The following PIK3CA variants were observed in gnomAD, a reference collection of about 807,000 sequenced individuals.
The protein encoded by PIK3CA is phosphatidylinositol-4,5-bisphosphate 3-kinase catalytic subunit alpha.
PIK3CA carries 27 observed loss-of-function variants against 138.2 expected under a neutral mutation model. The ratio of observed to expected loss-of-function variants is 0.20; its 90% CI spans 0.14 to 0.27. The LOEUF is 0.27. Among genes scored for constraint, PIK3CA ranks in the 10% least tolerant of loss-of-function variants. The pLI is 1.00. For synonymous variants in PIK3CA, 358 were observed against 413.2 expected, an observed-to-expected ratio of 0.87 and a Z score of 1.62; for missense variants, 544 against 1,277.4, an observed-to-expected ratio of 0.43 and a Z score of 8.75.
intron 1 of PIK3CA, among the ~76,000 whole-genome samples, chr3:179,160,135 A>C (rs1188742674): frequency 6.6e-6 from 1 of 152,196 alleles, no homozygotes; most frequent in Non-Finnish European, 1.5e-5. Context: ...GATTTTTTAA[A>C]AAGTAAAGTA....
chr3:179,157,950 A>G (rs1453157918), intron 1 of PIK3CA, among the ~76,000 whole-genome samples: 1 of 152,172 alleles, frequency 6.6e-6, no homozygotes, highest in Non-Finnish European at 1.5e-5. Context: ...GATTAAATAA[A>G]TAATACTTGA....
rs1214047935 is a variant in PIK3CA, at chr3:179,220,328, G to T, written c.2015+276G>T. Among the ~76,000 whole-genome samples, 1 of 152,044 alleles carries T rather than the reference G, an allele frequency of 6.6e-6. No homozygotes were observed. The highest frequency in any genetic ancestry group is 2.4e-5 in the African/African-American group (1 of 41,414). On this transcript the variant is annotated intron_variant, in intron 13 of 20. Transcript: ENST00000263967. This position sits in a 1 kb window ranked among gnomAD's most constrained non-coding sequence, Gnocchi z 4.1. ...TAAGTCAAATTTTCTAGGTCCAGATGAATATTGCTGTAGGTTTCACTGTGT... is the reference window on the plus strand; with the variant it reads ...TAAGTCAAATTTTCTAGGTCCAGATTAATATTGCTGTAGGTTTCACTGTGT...
intron 1 of PIK3CA, among the ~76,000 whole-genome samples, chr3:179,165,063 CCTT>C (rs1489821378): frequency 6.6e-6 from 1 of 152,164 alleles, no homozygotes; most frequent in African/African-American, 2.4e-5. Context: ...CCCTACCTGT[CCTT>C]CTACCTTTCT....
chr3:179,164,855 G>A (rs1457764031), intron 1 of PIK3CA, among the ~76,000 whole-genome samples: 1 of 151,620 alleles, frequency 6.6e-6, no homozygotes, highest in African/African-American at 2.4e-5. Context: ...GGCAACAAGA[G>A]TGAAACTCTG....
chr3:179,163,041 C>T (rs1405793278), intron 1 of PIK3CA, among the ~76,000 whole-genome samples: 2 of 151,958 alleles, frequency 1.3e-5, no homozygotes, highest in African/African-American at 2.4e-5. Flanking sequence ...TACTGGCATA[C>T]ACATTGATAG....
In PIK3CA at chr3:179,230,615, CGTG is replaced by C. The variant is rs1411566855; in HGVS notation, c.2936+244_2936+246del. On this transcript the variant is annotated intron_variant, in intron 20 of 20. Transcript: ENST00000263967. This position sits in a 1 kb window ranked among gnomAD's most constrained non-coding sequence, Gnocchi z 5.4. ...CAAAAAAATTTAAAAAGTAGCCAGG[CGTG>C]GTGGCATGCACTGTAGTCCCAGCTA... is the stretch of plus-strand genomic sequence containing the variant. Among the ~76,000 whole-genome samples the C allele has an allele frequency of 1.3e-5, 2 of 151,808 alleles. No individual in the cohort carries two copies. Among genetic ancestry groups the C allele is most frequent in the Non-Finnish European group, 2.9e-5 (2 of 67,958 alleles).
In PIK3CA at chr3:179,154,647, G is replaced by A. The variant is rs569040272; in HGVS notation, c.-77+6044G>A. 1.2e-4 allele frequency among the ~76,000 whole-genome samples: 19 copies of A among 152,298 alleles called. No individual in the cohort carries two copies. The South Asian group carries it at 3.5e-3, about 28-fold the overall frequency. On this transcript the variant is annotated intron_variant, in intron 1 of 20. Coordinates refer to ENST00000263967, the MANE Select transcript of PIK3CA (RefSeq NM_006218.4). ...TGTCTTTTTCTATATTGATACAATA[G>A]GAATTGTAATGTGTTGCTTGCTAAG...
At chr3:179,154,949 T>C (rs1329615010) in intron 1 of PIK3CA, among the ~76,000 whole-genome samples, 1 of 152,286 alleles carries the variant, frequency 6.6e-6, no homozygotes, top group Non-Finnish European at 1.5e-5. Context: ...TGAAATAAAT[T>C]AGGGATTTTT....
At chr3:179,149,491 G>A (rs1722953559) in intron 1 of PIK3CA, 1 of 152,194 alleles carries the variant, frequency 6.6e-6, no homozygotes, top group African/African-American at 2.4e-5. Flanking sequence ...CAATAATTGA[G>A]ACTGTTTACA....
chr3:179,231,724 C>A (rs1725217810), intron 20 of PIK3CA, among the ~76,000 whole-genome samples: 1 of 141,896 alleles, frequency 7.0e-6, no homozygotes, highest in African/African-American at 2.6e-5. Flanking sequence ...TCACCGCAAC[C>A]TCCACCTCCT....
At chr3:179,150,931 G>T (rs1723000215) in intron 1 of PIK3CA, among the ~76,000 whole-genome samples, 1 of 152,110 alleles carries the variant, frequency 6.6e-6, no homozygotes. Flanking sequence ...TTGAAGAGAG[G>T]TAACTTAATC....
rs1361344054 is a variant in PIK3CA at position 179,239,184 on chromosome 3, G to A, written c.*4820G>A. ...TATACTCCATTCCTCATGTAGGTAA[G>A]TACAGAAAAGGTTTTTAAATGTATT... is the stretch of plus-strand genomic sequence containing the variant. On this transcript the variant is annotated 3_prime_UTR_variant, in exon 21 of 21. Transcript: ENST00000263967. 4.8e-6 allele frequency: 1 copy of A among 207,692 alleles called. No individual in the cohort carries two copies. Among genetic ancestry groups the A allele is most frequent in the Non-Finnish European group, 9.8e-6 (1 of 101,880 alleles). The allele number at this position is 207,692 out of a possible 1,614,324, so 12.9% of individuals were successfully genotyped here. A position where few individuals can be genotyped will look rare whatever the true frequency, so the allele number is the denominator to read the frequency against.
intron 1 of PIK3CA, among the ~76,000 whole-genome samples, chr3:179,167,193 G>T (rs1723442444): frequency 6.6e-6 from 1 of 152,056 alleles, no homozygotes; most frequent in Admixed American, 6.6e-5. Flanking sequence ...ACATACCTTA[G>T]TAAATAATAG....
intron 20 of PIK3CA, chr3:179,233,166 A>T (rs1725251359): frequency 2.5e-6 from 1 of 395,116 alleles, no homozygotes; most frequent in Non-Finnish European, 4.5e-6. Flanking sequence ...GCTGAAATCT[A>T]GGAATTTTTT....
At chr3:179,186,383 G>A (rs972201474) in intron 1 of PIK3CA, among the ~76,000 whole-genome samples, 1 of 152,220 alleles carries the variant, frequency 6.6e-6, no homozygotes, top group Non-Finnish European at 1.5e-5. Context: ...GTCCAGAATG[G>A]TGTTAGCTTC....
At chr3:179,189,546 T>C (rs1724075057) in intron 1 of PIK3CA, among the ~76,000 whole-genome samples, 1 of 152,144 alleles carries the variant, frequency 6.6e-6, no homozygotes, top group African/African-American at 2.4e-5. Flanking sequence ...GAAGTCCACA[T>C]TGCTATAAAT....
chr3:179,182,223 A>C (rs1183693739), intron 1 of PIK3CA, among the ~76,000 whole-genome samples: 1 of 152,212 alleles, frequency 6.6e-6, no homozygotes, highest in Admixed American at 6.5e-5. Context: ...GCTTTTAATG[A>C]CTTATGTTAA....
In PIK3CA at chr3:179,236,921, A is replaced by G. The variant is rs1183708432; in HGVS notation, c.*2557A>G. The G allele has an allele frequency of 4.4e-5, 9 of 205,532 alleles. No homozygotes were observed. The highest frequency in any genetic ancestry group is 8.0e-5 in the Non-Finnish European group (8 of 100,530). 12.7% of individuals were successfully genotyped at this position (205,532 alleles called of 1,614,324 possible). A position where few individuals can be genotyped will look rare whatever the true frequency, so the allele number is the denominator to read the frequency against. On this transcript the variant is annotated 3_prime_UTR_variant, in exon 21 of 21. Coordinates refer to ENST00000263967, the MANE Select transcript of PIK3CA (RefSeq NM_006218.4). ...TATCAGAGATCAGTTCTCGTGGTTT[A>G]GACAGTTCCTATCTATAGCTGACTA...
intron 1 of PIK3CA, among the ~76,000 whole-genome samples, chr3:179,164,431 G>A (rs147915906): frequency 6.6e-6 from 1 of 152,240 alleles, no homozygotes; most frequent in East Asian, 1.9e-4. Context: ...TTAAGAAAAG[G>A]AAAAATGTGG....
Sources: gnomAD v4.1 joint callset for allele counts (sites outside exome capture counted in the v4.1 genomes callset) on GRCh38, gnomAD v4.1.1 for gene constraint, Gnocchi (gnomAD v3.1) non-coding constraint, MANE v1.5 for transcripts, NCBI Gene and HGNC (gene_info 2026-07-23, HGNC 2026-07-21) for gene names.